The following PCCB variants were observed in gnomAD, a reference collection of about 807,000 sequenced individuals.
PCCB encodes the protein propionyl-CoA carboxylase subunit beta, also known as propionyl-CoA carboxylase beta chain, mitochondrial.
A neutral mutation model predicts 60.7 loss-of-function variants in PCCB; 43 were observed. The observed-to-expected ratio is 0.71, with a 90% CI of 0.55 to 0.91. PCCB has a LOEUF of 0.91. Among genes scored for constraint, PCCB ranks in the 40% least tolerant of loss-of-function variants. PCCB has a pLI of 0.00. For missense variants in PCCB, 766 were observed against 702.8 expected, an observed-to-expected ratio of 1.09 and a Z score of -1.02; for synonymous variants, 276 against 255.9, an observed-to-expected ratio of 1.08 and a Z score of -0.75.
intron 3 of PCCB, chr3:136,260,172 C>T: frequency 2.2e-6 from 1 of 450,460 alleles, no homozygotes. Flanking sequence ...CTCCAGGGCT[C>T]AAGCAATCCT....
At chr3:136,264,709 T>TA (rs1038136338) in intron 5 of PCCB, among the ~76,000 whole-genome samples, 196 of 145,440 alleles carry the variant, frequency 1.3e-3, no homozygotes, top group African/African-American at 1.6e-3. Context: ...CCATCTCTAC[T>TA]AAAAAAAAAC....
At chr3:136,299,594 G>A (rs1934125371) in intron 8 of PCCB, among the ~76,000 whole-genome samples, 1 of 102,718 alleles carries the variant, frequency 9.7e-6, no homozygotes, top group African/African-American at 4.9e-5. Flanking sequence ...AGGTATGCAT[G>A]TGTATGTATG....
intron 7 of PCCB, among the ~76,000 whole-genome samples, chr3:136,294,168 T>C (rs370533163): frequency 1.3e-5 from 2 of 152,198 alleles, no homozygotes; most frequent in East Asian, 3.8e-4. Flanking sequence ...TATGTACAGT[T>C]GAACCTTTGA....
At chr3:136,302,011 G>A (rs1384475690) in intron 9 of PCCB, among the ~76,000 whole-genome samples, 1 of 152,150 alleles carries the variant, frequency 6.6e-6, no homozygotes, top group Non-Finnish European at 1.5e-5. Flanking sequence ...TAAATTCCTT[G>A]GAAGTCAGTT....
intron 7 of PCCB, 60 bp downstream of exon 7, chr3:136,293,924 A>G: frequency 2.0e-6 from 2 of 997,712 alleles, no homozygotes. Flanking sequence ...GCATTGCCAA[A>G]GAGCCTGGTG....
intron 6 of PCCB, among the ~76,000 whole-genome samples, chr3:136,285,851 T>C (rs1933378470): frequency 6.6e-6 from 1 of 152,240 alleles, no homozygotes; most frequent in African/African-American, 2.4e-5. Context: ...AGACTTCCTC[T>C]CTTGTCCTCA....
intron 13 of PCCB, among the ~76,000 whole-genome samples, chr3:136,328,167 G>A (rs865988540): frequency 6.6e-6 from 1 of 152,164 alleles, no homozygotes; most frequent in Non-Finnish European, 1.5e-5. Flanking sequence ...CCCTAGTGAC[G>A]TTGGACAAGG....
At chr3:136,285,960 A>G (rs929797393) in intron 6 of PCCB, among the ~76,000 whole-genome samples, 1 of 152,214 alleles carries the variant, frequency 6.6e-6, no homozygotes, top group African/African-American at 2.4e-5. Context: ...AGGACTACAC[A>G]AGGTAATTAT....
intron 5 of PCCB, among the ~76,000 whole-genome samples, chr3:136,274,981 TTA>T (rs1346961911): frequency 6.6e-6 from 1 of 151,982 alleles, no homozygotes; most frequent in Non-Finnish European, 1.5e-5. Context: ...CGGCTAATTT[TTA>T]TGTTTTTTTT....
intron 5 of PCCB, among the ~76,000 whole-genome samples, chr3:136,278,517 TATTTTCTAACTTCTCTTGTAG>T (rs1448908720): frequency 1.3e-5 from 2 of 152,198 alleles, no homozygotes; most frequent in Non-Finnish European, 2.9e-5. Context: ...CCTCTCAAAG[TATTTTCTAACTTCTCTTGTAG>T]ATTCTTCTTT....
At chr3:136,295,690 A>G (rs1016234801) in intron 7 of PCCB, among the ~76,000 whole-genome samples, 28 of 152,290 alleles carry the variant, frequency 1.8e-4, no homozygotes, top group Admixed American at 2.0e-4. Context: ...CATACAAAGC[A>G]TAAAAACTGC....
intron 5 of PCCB, among the ~76,000 whole-genome samples, chr3:136,279,942 AGGCGTGAG>A (rs1942431614): frequency 6.6e-6 from 1 of 152,214 alleles, no homozygotes; most frequent in Non-Finnish European, 1.5e-5. Flanking sequence ...CTGGGATTAC[AGGCGTGAG>A]CCACCGCGCC....
chr3:136,278,532 C>T (rs1330320872), intron 5 of PCCB, among the ~76,000 whole-genome samples: 2 of 152,070 alleles, frequency 1.3e-5, no homozygotes, highest in South Asian at 2.1e-4. Context: ...TCTAACTTCT[C>T]TTGTAGATTC....
chr3:136,327,764 C>T (rs1248150193), intron 13 of PCCB, 32 bp downstream of exon 13: 2 of 1,523,638 alleles, frequency 1.3e-6, no homozygotes, highest in Non-Finnish European at 1.8e-6. Context: ...CTTTCTGGGT[C>T]CAAGGACTCG....
chr3:136,283,879 A>G lies in PCCB; in HGVS notation c.586A>G (p.Ile196Val), dbSNP rs1347396464. ...CGGAGTCATCCCTCAGATTTCTCTG[A>G]TCATGGGCCCATGTGCTGGTGGGGC... Reference protein sequence around the residue: ...ASGVIPQISLIMGPCAGGAVY... With the variant: ...ASGVIPQISLVMGPCAGGAVY... Residue 196 changes from isoleucine (I) to valine (V), a missense_variant, in exon 6 of 15, where the codon ATC (isoleucine) becomes GTC (valine). Transcript: ENST00000251654. The G allele has an allele frequency of 1.2e-6, 2 of 1,613,858 alleles. No individual in the cohort carries two copies. The highest frequency in any genetic ancestry group is 4.5e-5 in the East Asian group (2 of 44,888).
intron 5 of PCCB, among the ~76,000 whole-genome samples, chr3:136,277,739 C>G (rs1262217019): frequency 6.6e-6 from 1 of 152,134 alleles, no homozygotes. Flanking sequence ...CCCACACGGT[C>G]GGAAAGGCAG....
At chr3:136,274,124 C>T (rs1037364666) in intron 5 of PCCB, among the ~76,000 whole-genome samples, 2 of 151,722 alleles carry the variant, frequency 1.3e-5, no homozygotes, top group South Asian at 2.1e-4. Context: ...AGGCCATTTA[C>T]GTTCAACATT....
At chr3:136,254,216 TTTTG>T (rs1056930757) in intron 1 of PCCB, among the ~76,000 whole-genome samples, 15 of 151,588 alleles carry the variant, frequency 9.9e-5, no homozygotes, top group South Asian at 4.2e-4. Flanking sequence ...GGCGGCTTTT[TTTTG>T]TTTGTTTTTG....
chr3:136,304,772 A>G (rs1346770780), intron 9 of PCCB, among the ~76,000 whole-genome samples: 1 of 118,896 alleles, frequency 8.4e-6, no homozygotes, highest in African/African-American at 2.6e-5. Context: ...GCTTAGTGCA[A>G]CCTCTGCCTC....
Sources: gnomAD v4.1 joint callset for allele counts (sites outside exome capture counted in the v4.1 genomes callset) on GRCh38, gnomAD v4.1.1 for gene constraint, MANE v1.5 for transcripts, NCBI Gene and HGNC (gene_info 2026-07-23, HGNC 2026-07-21) for gene names.